BEND5: variants seen among roughly 807,000 people sequenced by gnomAD.
The protein encoded by BEND5 is BEN domain-containing protein 5.
Under a neutral mutation model 43.9 loss-of-function variants are expected in BEND5, and 22 were observed. The ratio of observed to expected loss-of-function variants is 0.50; its 90% CI spans 0.36 to 0.72. The LOEUF (loss-of-function observed/expected upper bound fraction) is 0.72, where lower values mean the gene tolerates loss of function less well. Among genes scored for constraint, BEND5 ranks in the 30% least tolerant of loss-of-function variants. The pLI is 0.00. For synonymous variants in BEND5, 228 were observed against 225.9 expected (o/e 1.01, Z -0.08); for missense variants, 428 against 550.6 (o/e 0.78, Z 2.23).
chr1:48,749,919 T>A (rs933658076), intron 3 of BEND5, among the ~76,000 whole-genome samples: 1 of 152,166 alleles, frequency 6.6e-6, no homozygotes, highest in Admixed American at 6.5e-5. Context: ...GTTGGGGGGC[T>A]AAGGAGTTGT....
At chr1:48,750,557 C>A (rs1211309985) in intron 3 of BEND5, among the ~76,000 whole-genome samples, 2 of 152,214 alleles carry the variant, frequency 1.3e-5, no homozygotes, top group Non-Finnish European at 2.9e-5. Flanking sequence ...GCTCACCCTG[C>A]ATCCCAACTG....
intron 4 of BEND5, among the ~76,000 whole-genome samples, chr1:48,740,354 T>C (rs938898483): frequency 3.9e-5 from 6 of 152,226 alleles, no homozygotes; most frequent in African/African-American, 1.2e-4. Context: ...GCCTCTAACC[T>C]GTTATGTAAT....
chr1:48,729,580 A>T (rs1369656051), intron 5 of BEND5, among the ~76,000 whole-genome samples: 1 of 152,114 alleles, frequency 6.6e-6, no homozygotes, highest in Non-Finnish European at 1.5e-5. Context: ...ACTTGTGCTA[A>T]CCTTTCCACT....
At chr1:48,761,156 A>G in intron 2 of BEND5, 181 bp downstream of exon 2, 1 of 634,664 alleles carries the variant, frequency 1.6e-6, no homozygotes, top group Non-Finnish European at 2.6e-6. Flanking sequence ...GCTCTCTAGA[A>G]AGTTGGCCAG....
rs1649026473 is a variant in BEND5, at chr1:48,736,222, TC to T, written c.1108+16del. 6.2e-7 allele frequency: 1 copy of T among 1,607,100 alleles called. No homozygotes were observed. Among genetic ancestry groups the T allele is most frequent in the East Asian group, 2.2e-5 (1 of 44,850 alleles). On this transcript the variant is annotated intron_variant, in intron 5 of 5. Coordinates refer to ENST00000371833, the MANE Select transcript of BEND5 (RefSeq NM_024603.4). This position sits in a 1 kb window ranked among gnomAD's most constrained non-coding sequence, Gnocchi z 4.0. ...AAGACAGAATCCCAGCCATTGTGTT[TC>T]CACTCAGTGACCTACCTCTGACGAT...
At chr1:48,744,849 T>C (rs1459384194) in intron 3 of BEND5, among the ~76,000 whole-genome samples, 1 of 152,184 alleles carries the variant, frequency 6.6e-6, no homozygotes, top group African/African-American at 2.4e-5. Context: ...TCTGCTCAGG[T>C]ACCCCAAATG....
In BEND5 at chr1:48,776,728, T is replaced by C. The variant is rs1389100051; in HGVS notation, c.104A>G (p.Gln35Arg). 2.0e-6 allele frequency: 3 copies of C among 1,528,246 alleles called. No individual in the cohort carries two copies. The highest frequency in any genetic ancestry group is 2.6e-6 in the Non-Finnish European group (3 of 1,138,230). 94.7% of individuals were successfully genotyped at this position (1,528,246 alleles called of 1,614,324 possible). The change falls in exon 1 of 6, where the codon CAG (glutamine) becomes CGG (arginine). Residue 35 changes from glutamine (Q) to arginine (R), a missense_variant. This residue lies in a region of BEND5 where 107 missense variants were observed against 98.8 expected (regional missense o/e 1.08). Transcript: ENST00000371833. ...SPRSRLDFDN[Q>R]KVYAVYRGPE... Reference sequence around the variant, plus strand: ...GCCCCGGTACACGGCGTACACCTTCTGGTTGTCAAAATCCAGCCGCGAGCG... The same window carrying C: ...GCCCCGGTACACGGCGTACACCTTCCGGTTGTCAAAATCCAGCCGCGAGCG...
intron 1 of BEND5, among the ~76,000 whole-genome samples, chr1:48,763,100 AAACAACAACAAC>A (rs138330596): frequency 1.1e-4 from 16 of 151,204 alleles, no homozygotes; most frequent in South Asian, 8.4e-4. Flanking sequence ...GATTTAATTA[AAACAACAACAAC>A]AACAACAACA....
At chr1:48,744,838 C>G (rs537780303) in intron 3 of BEND5, among the ~76,000 whole-genome samples, 1 of 152,188 alleles carries the variant, frequency 6.6e-6, no homozygotes, top group Non-Finnish European at 1.5e-5. Flanking sequence ...CAATATTCAC[C>G]TCTGCTCAGG....
chr1:48,772,770 T>C (rs1644900171), intron 1 of BEND5, among the ~76,000 whole-genome samples: 1 of 152,156 alleles, frequency 6.6e-6, no homozygotes, highest in Non-Finnish European at 1.5e-5. Flanking sequence ...ATAGTTTAGA[T>C]AAGAGCTGAT....
At chr1:48,750,567 G>A (rs780394019) in intron 3 of BEND5, among the ~76,000 whole-genome samples, 2 of 152,194 alleles carry the variant, frequency 1.3e-5, no homozygotes, top group Non-Finnish European at 2.9e-5. Context: ...CATCCCAACT[G>A]TCTGCTGTTG....
chr1:48,773,454 T>C (rs1027532904), intron 1 of BEND5, among the ~76,000 whole-genome samples: 2 of 152,124 alleles, frequency 1.3e-5, no homozygotes, highest in African/African-American at 4.8e-5. Flanking sequence ...TGAAGATTTA[T>C]TCAAGCAAAT....
chr1:48,773,135 A>T (rs1644916678), intron 1 of BEND5, among the ~76,000 whole-genome samples: 1 of 152,224 alleles, frequency 6.6e-6, no homozygotes, highest in African/African-American at 2.4e-5. Flanking sequence ...GTAAGGAGAC[A>T]TCTGAAACAA....
At chr1:48,756,741 T>C (rs1480856902) in intron 3 of BEND5, among the ~76,000 whole-genome samples, 4 of 152,224 alleles carry the variant, frequency 2.6e-5, no homozygotes, top group Non-Finnish European at 5.9e-5. Flanking sequence ...TGTTAATCAA[T>C]AGACTTTTAA....
Position 48,736,129 on chromosome 1 carries a change from C to G in BEND5, c.1108+110G>C. ...GGTGTCCCCGGGCTCAGCCCAGGGTCTGGCATGCAGAAGCTTCATAAGTAA... is the reference window on the plus strand; with the variant it reads ...GGTGTCCCCGGGCTCAGCCCAGGGTGTGGCATGCAGAAGCTTCATAAGTAA... On this transcript the variant is annotated intron_variant, in intron 5 of 5. Coordinates refer to ENST00000371833, the MANE Select transcript of BEND5 (RefSeq NM_024603.4). The surrounding 1 kb of genome is among the most constrained non-coding windows in gnomAD (Gnocchi z 4.0). 2 of 1,276,158 alleles carry G rather than the reference C, an allele frequency of 1.6e-6. No homozygotes were observed. Among genetic ancestry groups the G allele is most frequent in the Non-Finnish European group, 2.2e-6 (2 of 891,976 alleles). The allele number at this position is 1,276,158 out of a possible 1,614,324, so 79.1% of individuals were successfully genotyped here.
chr1:48,756,263 G>C (rs1202931021), intron 3 of BEND5, among the ~76,000 whole-genome samples: 1 of 152,220 alleles, frequency 6.6e-6, no homozygotes, highest in Non-Finnish European at 1.5e-5. Context: ...CAGCCTAAAA[G>C]TTGTTTCCTT....
intron 3 of BEND5, among the ~76,000 whole-genome samples, chr1:48,751,733 A>G (rs1651768679): frequency 6.6e-6 from 1 of 152,186 alleles, no homozygotes; most frequent in South Asian, 2.1e-4. Flanking sequence ...GACAATGGGG[A>G]AAAGCCTAAC....
chr1:48,767,324 T>C (rs369799022), intron 1 of BEND5, among the ~76,000 whole-genome samples: 7 of 152,190 alleles, frequency 4.6e-5, no homozygotes, highest in South Asian at 2.1e-4. Context: ...TTTCTTGTCA[T>C]AGATGTTCAA....
At chr1:48,733,516 A>G (rs1416817576) in intron 5 of BEND5, among the ~76,000 whole-genome samples, 1 of 152,194 alleles carries the variant, frequency 6.6e-6, no homozygotes, top group Non-Finnish European at 1.5e-5. Flanking sequence ...AAATTTAAAA[A>G]CGGCTTGGAA....
Sources: gnomAD v4.1 joint callset for allele counts (sites outside exome capture counted in the v4.1 genomes callset) on GRCh38, gnomAD v4.1.1 for gene constraint, gnomAD v4.1.1 regional missense constraint, Gnocchi (gnomAD v3.1) non-coding constraint, MANE v1.5 for transcripts, NCBI Gene and HGNC (gene_info 2026-07-23, HGNC 2026-07-21) for gene names.